The following NUTM2E variants were observed in gnomAD, a reference collection of about 807,000 sequenced individuals.
NUTM2E encodes family with sequence similarity 22, member E.
In NUTM2E, 3 loss-of-function variants were observed where a neutral mutation model predicts 26.1. The observed-to-expected ratio is 0.12, with a 90% CI of 0.05 to 0.30. The LOEUF is 0.30. NUTM2E is among the 10% of genes least tolerant of loss of function. The pLI is 1.00. For synonymous variants in NUTM2E, 13 were observed against 157.5 expected (o/e 0.08, Z 6.87); for missense variants, 62 against 381.3 (o/e 0.16, Z 6.97).
intron 1 of NUTM2E, among the ~76,000 whole-genome samples, chr10:79,834,849 CACAA>C (rs1347342537): frequency 2.6e-4 from 39 of 150,628 alleles, no homozygotes; most frequent in African/African-American, 8.8e-4. Context: ...CACACAAACA[CACAA>C]ACTAAAGAAC....
intron 1 of NUTM2E, among the ~76,000 whole-genome samples, chr10:79,836,273 C>G (rs1490625631): frequency 2.0e-5 from 3 of 151,706 alleles, no homozygotes; most frequent in Non-Finnish European, 2.9e-5. Flanking sequence ...AACTAGTCAT[C>G]TATATTCACT....
In NUTM2E at chr10:79,848,662, CA is replaced by C; in HGVS notation, c.1502del (p.Gln501ArgfsTer47). ...TKARLPPPRP[Q>X]RPAETKVPEE... ...GGCCCGCCTGCCACCACCCAGGCCCCAGAGACCAGCAGAGACCAAGGTCCCT... is the reference window on the plus strand; with the variant it reads ...GGCCCGCCTGCCACCACCCAGGCCCCGAGACCAGCAGAGACCAAGGTCCCT... On this transcript the variant is annotated frameshift_variant, in exon 8 of 10. Transcript: ENST00000429984. LOFTEE classifies it high-confidence loss of function. 1.9e-6 allele frequency: 1 copy of C among 525,904 alleles called. No homozygotes were observed. The highest frequency in any genetic ancestry group is 3.5e-5 in the East Asian group (1 of 28,734). The allele number at this position is 525,904 out of a possible 1,614,324, so 32.6% of individuals were successfully genotyped here. A position where few individuals can be genotyped will look rare whatever the true frequency, so the allele number is the denominator to read the frequency against.
intron 1 of NUTM2E, among the ~76,000 whole-genome samples, chr10:79,829,869 C>T (rs1289769228): frequency 6.6e-6 from 1 of 151,426 alleles, no homozygotes; most frequent in East Asian, 1.9e-4. Context: ...TTCATAATGA[C>T]AATTATTGAA....
At chr10:79,830,003 A>G (rs2132412285) in intron 1 of NUTM2E, among the ~76,000 whole-genome samples, 1 of 151,776 alleles carries the variant, frequency 6.6e-6, no homozygotes, top group Admixed American at 6.6e-5. Flanking sequence ...ATCCAAAAGT[A>G]AGAAGAGGAC....
chr10:79,836,832 A>G (rs1404745603), intron 1 of NUTM2E, among the ~76,000 whole-genome samples: 1 of 152,052 alleles, frequency 6.6e-6, no homozygotes, highest in East Asian at 1.9e-4. Flanking sequence ...TTGTGATTTA[A>G]AAGAAAATAA....
At chr10:79,830,620 G>A (rs1320703955) in intron 1 of NUTM2E, among the ~76,000 whole-genome samples, 1 of 151,570 alleles carries the variant, frequency 6.6e-6, no homozygotes, top group Non-Finnish European at 1.5e-5. Context: ...AATTTTAATA[G>A]GTAAGAAACT....
At chr10:79,832,964 G>C (rs372724246) in intron 1 of NUTM2E, among the ~76,000 whole-genome samples, 2 of 151,600 alleles carry the variant, frequency 1.3e-5, no homozygotes, top group Non-Finnish European at 2.9e-5. Flanking sequence ...ATAAAATACA[G>C]TAAGTGTTTG....
chr10:79,831,045 T>G (rs1841924454), intron 1 of NUTM2E, among the ~76,000 whole-genome samples: 1 of 151,824 alleles, frequency 6.6e-6, no homozygotes, highest in South Asian at 2.1e-4. Context: ...GAGTTTTTTA[T>G]TCTCTTTGTT....
rs1318618287 is a variant in NUTM2E at position 79,849,062 on chromosome 10, G to C, written c.1734+167G>C. Reference sequence around the variant, plus strand: ...GTCTGTGTGTTTGTGTCTGTGGTTTGTTACTGTGTGTCTTTGTGTGTCTGT... The same window carrying C: ...GTCTGTGTGTTTGTGTCTGTGGTTTCTTACTGTGTGTCTTTGTGTGTCTGT... On this transcript the variant is annotated intron_variant, in intron 8 of 9. Transcript: ENST00000429984. 2.7e-5 allele frequency among the ~76,000 whole-genome samples: 3 copies of C among 111,992 alleles called. No individual in the cohort carries two copies. The East Asian group carries it at 6.6e-4, about 25-fold the overall frequency. The allele number at this position is 111,992 out of a possible 152,430, so 73.5% of individuals were successfully genotyped here. A position where few individuals can be genotyped will look rare whatever the true frequency, so the allele number is the denominator to read the frequency against.
chr10:79,832,617 A>T (rs180970941), intron 1 of NUTM2E, among the ~76,000 whole-genome samples: 3 of 151,788 alleles, frequency 2.0e-5, no homozygotes, highest in African/African-American at 7.3e-5. Flanking sequence ...AATAAAGTAT[A>T]TGGGGGCCAC....
At chr10:79,830,629 C>T (rs1222035097) in intron 1 of NUTM2E, among the ~76,000 whole-genome samples, 3 of 151,546 alleles carry the variant, frequency 2.0e-5, no homozygotes, top group Non-Finnish European at 4.4e-5. Flanking sequence ...AGGTAAGAAA[C>T]TAGTGGCCTT....
chr10:79,836,536 A>G (rs1841964583), intron 1 of NUTM2E, among the ~76,000 whole-genome samples: 1 of 151,902 alleles, frequency 6.6e-6, no homozygotes, highest in South Asian at 2.1e-4. Flanking sequence ...GTGCACTTGT[A>G]TTTGTGTATT....
Position 79,835,153 on chromosome 10 carries a change from AT to A in NUTM2E, c.-2727-3154del, listed in dbSNP as rs753203818. ...TTCACTATGGACTCTATTTACTCAG[AT>A]TAATAACTGTGCAGAAATGTCATTA... On this transcript the variant is annotated intron_variant, in intron 1 of 9. Coordinates refer to ENST00000429984, the MANE Select transcript of NUTM2E (RefSeq NM_001355263.2). Among the ~76,000 whole-genome samples the A allele has an allele frequency of 7.2e-4, 105 of 145,788 alleles. 2 individuals carry two copies. The highest frequency in any genetic ancestry group is 1.2e-3 in the Non-Finnish European group (80 of 66,046).
Position 79,838,933 on chromosome 10 carries a change from C to A in NUTM2E, c.-2296C>A, listed in dbSNP as rs1431261347. ...CGCTGGAACCTCGCCCGCCTCAAGG[C>A]TCCTGCGGCGGCGCACAGGGCAGGC... On this transcript the variant is annotated 5_prime_UTR_variant, in exon 3 of 10. Coordinates refer to ENST00000429984, the MANE Select transcript of NUTM2E (RefSeq NM_001355263.2). Among the ~76,000 whole-genome samples, 1 of 148,972 alleles carries A rather than the reference C, an allele frequency of 6.7e-6. No homozygotes were observed. The highest frequency in any genetic ancestry group is 2.5e-5 in the African/African-American group (1 of 40,300).
chr10:79,837,810 C>G (rs1841973342), intron 1 of NUTM2E, among the ~76,000 whole-genome samples: 1 of 151,854 alleles, frequency 6.6e-6, no homozygotes. Context: ...TGCTGTGTGC[C>G]AGATATTAAG....
chr10:79,833,098 A>G (rs967610294), intron 1 of NUTM2E, among the ~76,000 whole-genome samples: 1 of 151,938 alleles, frequency 6.6e-6, no homozygotes. Flanking sequence ...AAAGTCACTT[A>G]TGTGGCCATA....
Position 79,848,545 on chromosome 10 carries a change from CA to C in NUTM2E, c.1385del (p.Gln462ArgfsTer14). On this transcript the variant is annotated frameshift_variant, in exon 8 of 10. Coordinates refer to ENST00000429984, the MANE Select transcript of NUTM2E (RefSeq NM_001355263.2). LOFTEE classifies it high-confidence loss of function. ...YLPSKAGPKA[Q>X]TACLPPPRPQ... ...TCCCAGCAAGGCCGGCCCCAAGGCC[CA>C]GACTGCCTGCCTGCCACCACCCAGA... 1 of 537,986 alleles carries C rather than the reference CA, an allele frequency of 1.9e-6. No individual in the cohort carries two copies. The highest frequency in any genetic ancestry group is 2.8e-6 in the Non-Finnish European group (1 of 358,786). 33.3% of individuals were successfully genotyped at this position (537,986 alleles called of 1,614,324 possible).
At chr10:79,833,746 G>A (rs1180299817) in intron 1 of NUTM2E, among the ~76,000 whole-genome samples, 1 of 151,708 alleles carries the variant, frequency 6.6e-6, no homozygotes, top group African/African-American at 2.4e-5. Flanking sequence ...AACAGGAACA[G>A]TTTTACACTG....
intron 1 of NUTM2E, among the ~76,000 whole-genome samples, chr10:79,832,884 T>C (rs573497533): frequency 6.6e-6 from 1 of 151,930 alleles, no homozygotes; most frequent in South Asian, 2.1e-4. Context: ...TGTATGTGTG[T>C]GTGTGTATAT....
Sources: gnomAD v4.1 joint callset for allele counts (sites outside exome capture counted in the v4.1 genomes callset) on GRCh38, gnomAD v4.1.1 for gene constraint, MANE v1.5 for transcripts, NCBI Gene and HGNC (gene_info 2026-07-23, HGNC 2026-07-21) for gene names.